Variants in ANKRD36C observed in about 807,000 individuals in gnomAD.
ANKRD36C encodes ankyrin repeat domain-containing protein 36C.
ANKRD36C carries 61 observed loss-of-function variants against 276.4 expected under a neutral mutation model. The ratio of observed to expected loss-of-function variants is 0.22; its 90% CI spans 0.18 to 0.27. ANKRD36C has a LOEUF of 0.27. ANKRD36C is among the 10% of genes least tolerant of loss of function. ANKRD36C has a pLI of 1.00. For synonymous variants in ANKRD36C, 483 were observed against 680.1 expected, an observed-to-expected ratio of 0.71 and a Z score of 4.51; for missense variants, 1,447 against 2,032.3, an observed-to-expected ratio of 0.71 and a Z score of 5.54.
intron 1 of ANKRD36C, among the ~76,000 whole-genome samples, 191 bp from the exon 2 acceptor site, chr2:95,987,397 G>A (rs538305895): frequency 1.4e-4 from 22 of 152,132 alleles, no homozygotes; most frequent in Non-Finnish European, 2.6e-4. Context: ...TTTAATTGGG[G>A]CTTAAAATTT....
At chr2:95,914,819 C>T (rs1482735006) in intron 38 of ANKRD36C, among the ~76,000 whole-genome samples, 2 of 151,484 alleles carry the variant, frequency 1.3e-5, no homozygotes, top group African/African-American at 4.8e-5. Context: ...GTGGAAGTGT[C>T]CTAAATTGAT....
At chr2:95,957,031 G>A (rs912029372) in intron 12 of ANKRD36C, among the ~76,000 whole-genome samples, 13 of 151,872 alleles carry the variant, frequency 8.6e-5, no homozygotes, top group African/African-American at 2.4e-4. Flanking sequence ...AAAAAATCAT[G>A]TAGGCAGGGC....
chr2:95,871,633 A>G (rs1366914956), intron 59 of ANKRD36C, among the ~76,000 whole-genome samples: 1 of 152,192 alleles, frequency 6.6e-6, no homozygotes, highest in Non-Finnish European at 1.5e-5. Flanking sequence ...ACTAGCTAAC[A>G]TCATAATGCC....
At chr2:95,976,056 A>C (rs996895768) in intron 6 of ANKRD36C, among the ~76,000 whole-genome samples, 1 of 152,246 alleles carries the variant, frequency 6.6e-6, no homozygotes, top group African/African-American at 2.4e-5. Flanking sequence ...CATCAGAGAA[A>C]TGCAAATCAA....
At chr2:95,893,980 G>A (rs1573746915) in intron 44 of ANKRD36C, among the ~76,000 whole-genome samples, 1 of 151,408 alleles carries the variant, frequency 6.6e-6, no homozygotes, top group Admixed American at 6.6e-5. Context: ...ATAAAACCGT[G>A]TCAATCTCAA....
At position 95,888,085 on chromosome 2, in the gene ANKRD36C, TA is replaced by T; in HGVS notation, c.2988+6del. 1 of 1,609,532 alleles carries T rather than the reference TA, an allele frequency of 6.2e-7. No homozygotes were observed. The highest frequency in any genetic ancestry group is 8.5e-7 in the Non-Finnish European group (1 of 1,178,276). ...ATAGTTCACAATATAAATGACAGTT[TA>T]ATTACCTTCAAGGCTGGTTGTTTCT... is the stretch of plus-strand genomic sequence containing the variant. On this transcript the variant is annotated splice_donor_region_variant and intron_variant, in intron 49 of 66. Coordinates refer to ENST00000456556, the Ensembl canonical transcript of ANKRD36C.
intron 38 of ANKRD36C, among the ~76,000 whole-genome samples, chr2:95,914,621 A>ACT: frequency 6.6e-6 from 1 of 151,490 alleles, no homozygotes; most frequent in South Asian, 2.1e-4. Context: ...CAGAGGAGAA[A>ACT]CTCACACACC....
chr2:95,961,209 T>A (rs1440654153), intron 8 of ANKRD36C, among the ~76,000 whole-genome samples: 1 of 152,122 alleles, frequency 6.6e-6, no homozygotes, highest in Non-Finnish European at 1.5e-5. Flanking sequence ...CTTAAATATA[T>A]GTTTGGTGAA....
chr2:95,855,737 A>C lies in ANKRD36C; in HGVS notation c.4524T>G (p.Ser1508=), dbSNP rs113253832. 10 of 1,613,560 alleles carry C rather than the reference A, an allele frequency of 6.2e-6. No individual in the cohort carries two copies. The Admixed American group carries it at 1.2e-4, about 19-fold the overall frequency. ...GTTGCAGAGAAAGAATCAGAACATG[A>C]GAATTCAAATTTTCCTGTAAATGAC... The change falls in exon 63 of 67, where the codon TCT becomes TCG. Residue 1508 remains serine (S), a synonymous_variant. Transcript: ENST00000456556.
intron 19 of ANKRD36C, among the ~76,000 whole-genome samples, chr2:95,943,300 A>C (rs550082626): frequency 5.9e-5 from 9 of 152,364 alleles, no homozygotes; most frequent in Admixed American, 1.3e-4. Context: ...TGGCTAACAC[A>C]GTGAAACCCC....
intron 42 of ANKRD36C, among the ~76,000 whole-genome samples, chr2:95,909,770 T>A (rs1292920455): frequency 6.6e-6 from 1 of 150,816 alleles, no homozygotes; most frequent in Non-Finnish European, 1.5e-5. Flanking sequence ...GTTTCCTTCT[T>A]CCAGCAGTTC....
At chr2:95,918,018 A>G in exon 35 of ANKRD36C, 1 of 1,600,862 alleles carries the variant, frequency 6.2e-7, no homozygotes, top group Non-Finnish European at 8.5e-7. Flanking sequence ...AATTACCTTC[A>G]AGGCTGGTTG....
chr2:95,962,571 A>C, intron 6 of ANKRD36C, 24 bp from the exon 7 acceptor site: 1 of 1,598,664 alleles, frequency 6.3e-7, no homozygotes, highest in Non-Finnish European at 8.5e-7. Flanking sequence ...GGGATACATC[A>C]TCAATCATAG....
At chr2:95,922,552 A>T (rs1677299783) in intron 32 of ANKRD36C, among the ~76,000 whole-genome samples, 1 of 151,626 alleles carries the variant, frequency 6.6e-6, no homozygotes, top group South Asian at 2.1e-4. Flanking sequence ...TAAAACTGCT[A>T]AAAGCATTGG....
At chr2:95,872,171 T>C (rs1420254481) in intron 59 of ANKRD36C, among the ~76,000 whole-genome samples, 1 of 144,424 alleles carries the variant, frequency 6.9e-6, no homozygotes, top group Non-Finnish European at 1.5e-5. Flanking sequence ...GTGGACCTAA[T>C]AGACATCTAC....
chr2:95,897,463 A>G lies in ANKRD36C; in HGVS notation c.2755+1682T>C, dbSNP rs1204417562. Reference sequence around the variant, plus strand: ...TTCAAGCCTGGTGGTTGCTCAGAAGACACTGAAAAGTAAAAGGGATTCATA... The same window carrying G: ...TTCAAGCCTGGTGGTTGCTCAGAAGGCACTGAAAAGTAAAAGGGATTCATA... On this transcript the variant is annotated intron_variant, in intron 44 of 66. Transcript: ENST00000456556. 14 of 1,527,216 alleles carry G rather than the reference A, an allele frequency of 9.2e-6. No individual in the cohort carries two copies. In the East Asian group the frequency reaches 3.4e-4, roughly 37 times the overall value. 94.6% of individuals were successfully genotyped at this position (1,527,216 alleles called of 1,614,324 possible). A position where few individuals can be genotyped will look rare whatever the true frequency, so the allele number is the denominator to read the frequency against.
chr2:95,943,377 C>T (rs1677948674), intron 19 of ANKRD36C, among the ~76,000 whole-genome samples: 1 of 151,070 alleles, frequency 6.6e-6, no homozygotes, highest in African/African-American at 2.4e-5. Flanking sequence ...CCCAGCTACT[C>T]GCGAGGCTGA....
chr2:95,852,167 A>C (rs777656137), exon 65 of ANKRD36C: 2 of 1,608,672 alleles, frequency 1.2e-6, no homozygotes, highest in East Asian at 4.5e-5. Context: ...ATCTTATAGT[A>C]GCTGTAAGTT....
In ANKRD36C at chr2:95,912,298, C is replaced by T. The variant is rs1293091796; in HGVS notation, c.2599G>A (p.Asp867Asn). The T allele has an allele frequency of 1.9e-6, 3 of 1,573,022 alleles. No individual in the cohort carries two copies. In the African/African-American group the frequency reaches 4.1e-5, roughly 21 times the overall value. Residue 867 changes from aspartate to asparagine, a missense_variant, in exon 42 of 67, where the codon GAT becomes AAT. Physicochemically the swap from Asp to Asn is conservative, Grantham distance 23. This residue lies in a region of ANKRD36C where 565 missense variants were observed against 539.5 expected (regional missense o/e 1.05). Coordinates refer to ENST00000456556, the Ensembl canonical transcript of ANKRD36C. ...TCTCTGGTTATATTCGAAAAAGAATCTTTCTCATCACTTGTAGCCTGAATG... is the reference window on the plus strand; with the variant it reads ...TCTCTGGTTATATTCGAAAAAGAATTTTTCTCATCACTTGTAGCCTGAATG...
Sources: gnomAD v4.1 joint callset for allele counts (sites outside exome capture counted in the v4.1 genomes callset) on GRCh38, gnomAD v4.1.1 for gene constraint, gnomAD v4.1.1 regional missense constraint, MANE v1.5 for transcripts, NCBI Gene and HGNC (gene_info 2026-07-23, HGNC 2026-07-21) for gene names.